SUSD5: variants seen among roughly 807,000 people sequenced by gnomAD.
SUSD5 encodes sushi domain-containing protein 5.
Under a neutral mutation model 29.5 loss-of-function variants are expected in SUSD5, and 33 were observed. That is an observed-to-expected ratio of 1.12 (90% CI 0.85 to 1.49). The LOEUF (loss-of-function observed/expected upper bound fraction) is 1.49. Among genes scored for constraint, SUSD5 ranks in the 40% most tolerant of loss-of-function variants. The pLI is 0.00. For synonymous variants in SUSD5, 308 were observed against 325.3 expected (o/e 0.95, Z 0.57); for missense variants, 776 against 800.6 (o/e 0.97, Z 0.37).
chr3:33,151,012 T>C lies in SUSD5; in HGVS notation c.*1730A>G, dbSNP rs1472520200. ...ACAGGAGACTATTGCAGGTGGCATT[T>C]AGGCAGCTTCAAATGCCACCTCAGC... On this transcript the variant is annotated 3_prime_UTR_variant, in exon 5 of 5. Transcript: ENST00000309558. 6.6e-6 allele frequency: 1 copy of C among 152,286 alleles called. No homozygotes were observed. The highest frequency in any genetic ancestry group is 1.5e-5 in the Non-Finnish European group (1 of 68,036). 9.4% of individuals were successfully genotyped at this position (152,286 alleles called of 1,614,324 possible).
At chr3:33,214,295 T>A (rs1188835331) in intron 1 of SUSD5, among the ~76,000 whole-genome samples, 190 bp from the exon 2 acceptor site, 1 of 152,056 alleles carries the variant, frequency 6.6e-6, no homozygotes, top group Non-Finnish European at 1.5e-5. Context: ...CTTTTTTTTT[T>A]CTCTTATCTT....
chr3:33,214,030 C>T lies in SUSD5; in HGVS notation c.188G>A (p.Ser63Asn). 6.2e-7 allele frequency: 1 copy of T among 1,613,722 alleles called. No individual in the cohort carries two copies. Residue 63 changes from serine to asparagine, a missense_variant, in exon 2 of 5, where the codon AGC becomes AAC. Physicochemically the swap from Ser to Asn is conservative, Grantham distance 46. Coordinates refer to ENST00000309558, the MANE Select transcript of SUSD5 (RefSeq NM_015551.2). Reference sequence around the variant, plus strand: ...TGCAGATGCCAGGTGAGCGCCCCTGCTCTTGCAGGAAAGCCGAGCAGCCTC... The same window carrying T: ...TGCAGATGCCAGGTGAGCGCCCCTGTTCTTGCAGGAAAGCCGAGCAGCCTC... ...QLEAARLSCK[S>N]RGAHLASADE...
At position 33,207,834 on chromosome 3, in the gene SUSD5, T is replaced by A. The variant is rs72861038; in HGVS notation, c.383A>T (p.Tyr128Phe). 1.2e-3 allele frequency: 1,989 copies of A among 1,613,024 alleles called. 20 individuals carry two copies. The African/African-American group carries it at 0.022, about 18-fold the overall frequency. The change falls in exon 3 of 5, where the codon TAC becomes TTC. Residue 128 changes from tyrosine to phenylalanine, a missense_variant. Coordinates refer to ENST00000309558, the MANE Select transcript of SUSD5 (RefSeq NM_015551.2). ...TTCATCCTTAATACAAAGGGCACTG[T>A]ATGTGCCACCAGGAACTGGGTTGCT... ...IESNPVPGGT[Y>F]SALCIKDEEK...
At chr3:33,203,250 G>A (rs2032153346) in intron 3 of SUSD5, among the ~76,000 whole-genome samples, 1 of 152,172 alleles carries the variant, frequency 6.6e-6, no homozygotes. Flanking sequence ...TCTTTCTAAA[G>A]GAGAAAAGGC....
intron 4 of SUSD5, 138 bp downstream of exon 4, chr3:33,174,748 G>T: frequency 2.2e-6 from 2 of 890,758 alleles, no homozygotes; most frequent in Non-Finnish European, 3.4e-6. Context: ...TAGGTCCAGA[G>T]CTCAGGATAA....
rs553457071 is a variant in SUSD5 at position 33,151,316 on chromosome 3, T to A, written c.*1426A>T. ...TGCTACTGGTCTGAGGACCACACTT[T>A]GAGAACCACTGCCATAAACCATCCT... On this transcript the variant is annotated 3_prime_UTR_variant, in exon 5 of 5. Coordinates refer to ENST00000309558, the MANE Select transcript of SUSD5 (RefSeq NM_015551.2). 2.6e-5 allele frequency: 4 copies of A among 152,292 alleles called. No homozygotes were observed. Among genetic ancestry groups the A allele is most frequent in the African/African-American group, 9.6e-5 (4 of 41,550 alleles). The allele number at this position is 152,292 out of a possible 1,614,324, so 9.4% of individuals were successfully genotyped here. A position where few individuals can be genotyped will look rare whatever the true frequency, so the allele number is the denominator to read the frequency against.
chr3:33,156,914 T>G (rs1487595160), intron 4 of SUSD5, among the ~76,000 whole-genome samples: 2 of 152,230 alleles, frequency 1.3e-5, no homozygotes, highest in African/African-American at 4.8e-5. Flanking sequence ...AAACAGTGGA[T>G]GAAGAGCAAA....
At position 33,207,838 on chromosome 3, in the gene SUSD5, T is replaced by C; in HGVS notation, c.379A>G (p.Thr127Ala). Residue 127 changes from threonine (T) to alanine (A), a missense_variant, in exon 3 of 5, where the codon ACA becomes GCA. Thr to Ala is a moderately conservative substitution (Grantham distance 58, BLOSUM62 0). Transcript: ENST00000309558. ...TCCTTAATACAAAGGGCACTGTATGTGCCACCAGGAACTGGGTTGCTCTCA... is the reference window on the plus strand; with the variant it reads ...TCCTTAATACAAAGGGCACTGTATGCGCCACCAGGAACTGGGTTGCTCTCA... ...RIESNPVPGG[T>A]YSALCIKDEE... 1.9e-6 allele frequency: 3 copies of C among 1,613,892 alleles called. No homozygotes were observed. The highest frequency in any genetic ancestry group is 8.5e-7 in the Non-Finnish European group (1 of 1,179,800).
chr3:33,194,826 T>G (rs996095262), intron 3 of SUSD5, among the ~76,000 whole-genome samples: 1 of 152,230 alleles, frequency 6.6e-6, no homozygotes, highest in African/African-American at 2.4e-5. Flanking sequence ...AACAGCTTGA[T>G]GAAAATATGA....
intron 3 of SUSD5, among the ~76,000 whole-genome samples, chr3:33,200,568 C>A (rs1334901851): frequency 1.3e-5 from 2 of 152,096 alleles, no homozygotes; most frequent in Admixed American, 6.5e-5. Context: ...GTCAAGCATG[C>A]TAGAAAAAGA....
chr3:33,166,227 T>C (rs2031301994), intron 4 of SUSD5, among the ~76,000 whole-genome samples: 1 of 152,214 alleles, frequency 6.6e-6, no homozygotes, highest in Admixed American at 6.5e-5. Flanking sequence ...ATTGCTTTGC[T>C]AATTAATACC....
intron 1 of SUSD5, among the ~76,000 whole-genome samples, chr3:33,217,304 C>T (rs2032441869): frequency 6.6e-6 from 1 of 152,134 alleles, no homozygotes; most frequent in Non-Finnish European, 1.5e-5. Flanking sequence ...AGTCAAAAAA[C>T]ACTACAGTGA....
intron 3 of SUSD5, among the ~76,000 whole-genome samples, chr3:33,183,075 G>C (rs1049913226): frequency 6.6e-6 from 1 of 152,066 alleles, no homozygotes; most frequent in Non-Finnish European, 1.5e-5. Context: ...GATTACAGGC[G>C]TGAGCCACCA....
At position 33,175,076 on chromosome 3, in the gene SUSD5, TGAG is replaced by T. The variant is rs1161763806; in HGVS notation, c.410-5_410-3del. ...AAGGCGGGTCTCCACACGGCTTCTC[TGAG>T]GAGAAGGAATCACAGTTAGCTTTTC... On this transcript the variant is annotated splice_region_variant and splice_polypyrimidine_tract_variant and intron_variant, in intron 3 of 4. Coordinates refer to ENST00000309558, the MANE Select transcript of SUSD5 (RefSeq NM_015551.2). 6 of 1,613,836 alleles carry T rather than the reference TGAG, an allele frequency of 3.7e-6. No individual in the cohort carries two copies. The highest frequency in any genetic ancestry group is 5.1e-6 in the Non-Finnish European group (6 of 1,179,744).
intron 3 of SUSD5, among the ~76,000 whole-genome samples, chr3:33,191,034 C>G (rs1006448807): frequency 6.6e-6 from 1 of 152,156 alleles, no homozygotes; most frequent in East Asian, 1.9e-4. Context: ...CCTCTTCACC[C>G]TCTTCATAGA....
At chr3:33,214,424 T>G (rs1306649995) in intron 1 of SUSD5, among the ~76,000 whole-genome samples, 1 of 148,886 alleles carries the variant, frequency 6.7e-6, no homozygotes, top group African/African-American at 2.5e-5. Context: ...GTGTCAAGGC[T>G]CAGTGTCCTA....
chr3:33,169,828 C>T (rs866760871), intron 4 of SUSD5, among the ~76,000 whole-genome samples: 15 of 152,224 alleles, frequency 9.9e-5, no homozygotes, highest in African/African-American at 2.9e-4. Context: ...AAGCAACAAA[C>T]AGAACCGATG....
chr3:33,162,985 A>C (rs1195852641), intron 4 of SUSD5, among the ~76,000 whole-genome samples: 2 of 152,138 alleles, frequency 1.3e-5, no homozygotes, highest in Non-Finnish European at 2.9e-5. Context: ...TTCTAGAGAA[A>C]TACAACTTAC....
chr3:33,176,057 A>T (rs531890612), intron 3 of SUSD5, among the ~76,000 whole-genome samples: 1 of 152,220 alleles, frequency 6.6e-6, no homozygotes, highest in Non-Finnish European at 1.5e-5. Context: ...CTGTCTCCAT[A>T]GTTTGCCTTT....
Sources: gnomAD v4.1 joint callset for allele counts (sites outside exome capture counted in the v4.1 genomes callset) on GRCh38, gnomAD v4.1.1 for gene constraint, MANE v1.5 for transcripts, NCBI Gene and HGNC (gene_info 2026-07-23, HGNC 2026-07-21) for gene names.